EBAG9: variants seen among roughly 807,000 people sequenced by gnomAD.
The protein encoded by EBAG9 is receptor-binding cancer antigen expressed on SiSo cells.
EBAG9 carries 16 observed loss-of-function variants against 30.9 expected under a neutral mutation model. The ratio of observed to expected loss-of-function variants is 0.52; its 90% confidence interval spans 0.35 to 0.79. The LOEUF (loss-of-function observed/expected upper bound fraction) is 0.79. Among genes scored for constraint, EBAG9 ranks in the 30% least tolerant of loss-of-function variants. EBAG9 has a pLI of 0.01. For synonymous variants in EBAG9, 93 were observed against 82.8 expected, an observed-to-expected ratio of 1.12 and a Z score of -0.67; for missense variants, 197 against 242.1, an observed-to-expected ratio of 0.81 and a Z score of 1.24.
At chr8:109,560,785 G>T in intron 5 of EBAG9, 53 bp from the exon 6 acceptor site, 1 of 1,280,616 alleles carries the variant, frequency 7.8e-7, no homozygotes, top group South Asian at 1.2e-5. Flanking sequence ...TAACGGCTAT[G>T]TGGAGAAAGG....
At chr8:109,552,719 T>C (rs916806521) in intron 2 of EBAG9, among the ~76,000 whole-genome samples, 3 of 152,246 alleles carry the variant, frequency 2.0e-5, no homozygotes, top group African/African-American at 4.8e-5. Context: ...ATTGATTGTA[T>C]GTTCAGTTTT....
chr8:109,542,239 A>G (rs2131094846), intron 1 of EBAG9, among the ~76,000 whole-genome samples: 2 of 152,254 alleles, frequency 1.3e-5, no homozygotes, highest in African/African-American at 4.8e-5. Context: ...ATTGCTAGGG[A>G]GAGAATTCTA....
chr8:109,544,312 A>G (rs1191676065), intron 1 of EBAG9, among the ~76,000 whole-genome samples: 1 of 152,172 alleles, frequency 6.6e-6, no homozygotes, highest in East Asian at 1.9e-4. Context: ...TCTGGGAAAA[A>G]AAACTATCAA....
chr8:109,561,826 G>A (rs1185535213), intron 6 of EBAG9, among the ~76,000 whole-genome samples: 1 of 149,770 alleles, frequency 6.7e-6, no homozygotes, highest in African/African-American at 2.4e-5. Context: ...AGCAGAGGGT[G>A]CAGCTAAATA....
At chr8:109,556,660 G>T (rs1821603269) in intron 4 of EBAG9, among the ~76,000 whole-genome samples, 1 of 152,022 alleles carries the variant, frequency 6.6e-6, no homozygotes, top group South Asian at 2.1e-4. Flanking sequence ...AACTAAAAGT[G>T]ATTGATTATA....
At chr8:109,545,436 T>C (rs1360448144) in intron 1 of EBAG9, among the ~76,000 whole-genome samples, 2 of 44,874 alleles carry the variant, frequency 4.5e-5, no homozygotes, top group African/African-American at 8.8e-5. Flanking sequence ...TGATCTCAGC[T>C]CACCGCAACC....
chr8:109,560,951 T>C lies in EBAG9; in HGVS notation c.521+22T>C, dbSNP rs372791506. 400 of 1,594,770 alleles carry C rather than the reference T, an allele frequency of 2.5e-4. 1 individual carries two copies. The highest frequency in any genetic ancestry group is 3.3e-4 in the Middle Eastern group (2 of 6,016). ...TGAGGTATTTGAGTGGCATTTATATTGCAACCTGAGTAGAAGAACTAGATT... is the reference window on the plus strand; with the variant it reads ...TGAGGTATTTGAGTGGCATTTATATCGCAACCTGAGTAGAAGAACTAGATT... On this transcript the variant is annotated intron_variant, in intron 6 of 6. Transcript: ENST00000337573.
chr8:109,548,036 T>A (rs980170965), intron 1 of EBAG9, among the ~76,000 whole-genome samples: 2 of 152,160 alleles, frequency 1.3e-5, no homozygotes, highest in Non-Finnish European at 2.9e-5. Context: ...ATTGTGCTTT[T>A]GTTGTACTAC....
At chr8:109,563,019 C>T (rs1341033797) in intron 6 of EBAG9, among the ~76,000 whole-genome samples, 2 of 152,062 alleles carry the variant, frequency 1.3e-5, no homozygotes, top group East Asian at 3.9e-4. Flanking sequence ...TTTTCTCTAC[C>T]TCCCTTTTTT....
intron 5 of EBAG9, among the ~76,000 whole-genome samples, chr8:109,559,684 A>T (rs1821673324): frequency 6.6e-6 from 1 of 151,952 alleles, no homozygotes. Context: ...GTGTGGTGGC[A>T]TGTGCCTATA....
intron 5 of EBAG9, among the ~76,000 whole-genome samples, 165 bp from the exon 6 acceptor site, chr8:109,560,673 C>G (rs758848798): frequency 6.6e-6 from 1 of 152,060 alleles, no homozygotes; most frequent in Non-Finnish European, 1.5e-5. Flanking sequence ...CTAGGCAAGC[C>G]AAAAGCAAAA....
At chr8:109,545,524 C>G (rs1165031906) in intron 1 of EBAG9, among the ~76,000 whole-genome samples, 2 of 151,664 alleles carry the variant, frequency 1.3e-5, no homozygotes, top group Non-Finnish European at 2.9e-5. Context: ...GCCACCGCAC[C>G]TGGCTAATTT....
chr8:109,548,416 G>A (rs1821428487), intron 1 of EBAG9, among the ~76,000 whole-genome samples: 1 of 152,068 alleles, frequency 6.6e-6, no homozygotes, highest in Non-Finnish European at 1.5e-5. Context: ...AAACCAGATA[G>A]TGCTAGCTGT....
At chr8:109,563,581 T>C (rs1476704557) in intron 6 of EBAG9, 3 of 1,507,364 alleles carry the variant, frequency 2.0e-6, no homozygotes, top group African/African-American at 1.4e-5. Context: ...ACCACTCTTT[T>C]TTTTTTTTTT....
intron 4 of EBAG9, among the ~76,000 whole-genome samples, chr8:109,555,343 A>G (rs1028304251): frequency 1.3e-5 from 2 of 152,106 alleles, no homozygotes; most frequent in East Asian, 1.9e-4. Context: ...ATAGTATTCT[A>G]TGGTGTATAT....
chr8:109,563,364 C>CTTGA, intron 6 of EBAG9: 1 of 1,592,412 alleles, frequency 6.3e-7, no homozygotes, highest in Non-Finnish European at 8.5e-7. Context: ...ACGTTGCATA[C>CTTGA]TTGAATGATT....
chr8:109,553,513 A>G (rs1179040650), intron 2 of EBAG9, among the ~76,000 whole-genome samples: 1 of 152,226 alleles, frequency 6.6e-6, no homozygotes. Context: ...TTAAAACAGC[A>G]AAGGTGGCCC....
chr8:109,561,625 G>T (rs1821712260), intron 6 of EBAG9, among the ~76,000 whole-genome samples: 1 of 151,798 alleles, frequency 6.6e-6, no homozygotes, highest in Non-Finnish European at 1.5e-5. Flanking sequence ...TGCATCTAAA[G>T]AATTCATACA....
chr8:109,560,126 A>C (rs1355091101), intron 5 of EBAG9, among the ~76,000 whole-genome samples: 3 of 152,114 alleles, frequency 2.0e-5, no homozygotes, highest in African/African-American at 7.2e-5. Flanking sequence ...TCACTTCCAC[A>C]CCTACCTAAA....
Sources: allele counts gnomAD v4.1 joint callset (sites outside exome capture counted in the v4.1 genomes callset), GRCh38; gene constraint gnomAD v4.1.1; transcripts MANE v1.5; gene names NCBI Gene and HGNC (gene_info 2026-07-23, HGNC 2026-07-21).